Variants in CSMD3 observed in about 807,000 individuals in gnomAD.
CSMD3 encodes the protein CUB and sushi domain-containing protein 3.
Under a neutral mutation model 435.2 loss-of-function variants are expected in CSMD3, and 177 were observed. The ratio of observed to expected loss-of-function variants is 0.41; its 90% CI spans 0.36 to 0.46. CSMD3 has a LOEUF of 0.46. Ranked by LOEUF, CSMD3 falls within the 20% of genes least tolerant of loss-of-function variation. CSMD3 has a pLI of 0.34. For synonymous variants in CSMD3, 1,656 were observed against 1,520.5 expected (o/e 1.09, Z -2.07); for missense variants, 4,265 against 4,504.6 (o/e 0.95, Z 1.52).
intron 3 of CSMD3, among the ~76,000 whole-genome samples, chr8:113,184,279 C>A (rs922870385): frequency 9.2e-5 from 14 of 151,956 alleles, no homozygotes; most frequent in African/African-American, 3.1e-4. Context: ...ATGCCCCATT[C>A]TTTTGAGGTG....
intron 58 of CSMD3, among the ~76,000 whole-genome samples, chr8:112,285,212 G>T (rs1385325054): frequency 6.6e-6 from 1 of 152,004 alleles, no homozygotes; most frequent in Non-Finnish European, 1.5e-5. Flanking sequence ...AAAATATTTT[G>T]TAGGTCAGCT....
At chr8:113,078,588 T>C (rs2089439542) in intron 5 of CSMD3, among the ~76,000 whole-genome samples, 1 of 152,172 alleles carries the variant, frequency 6.6e-6, no homozygotes, top group Non-Finnish European at 1.5e-5. Context: ...GTCATTTTGC[T>C]CTTACATAAA....
chr8:112,973,221 A>T (rs2084723405), intron 7 of CSMD3, among the ~76,000 whole-genome samples: 1 of 151,956 alleles, frequency 6.6e-6, no homozygotes, highest in East Asian at 1.9e-4. Flanking sequence ...TTTTATTTGT[A>T]AAAGTTCATT....
At chr8:113,011,579 C>T (rs1331213918) in intron 6 of CSMD3, among the ~76,000 whole-genome samples, 2 of 151,764 alleles carry the variant, frequency 1.3e-5, no homozygotes, top group Non-Finnish European at 1.5e-5. Context: ...GTCAAACTTT[C>T]ATTTTCAATA....
chr8:112,762,389 G>C (rs140459523), intron 13 of CSMD3, among the ~76,000 whole-genome samples: 17 of 152,032 alleles, frequency 1.1e-4, no homozygotes, highest in African/African-American at 3.6e-4. Flanking sequence ...CCATAGCACT[G>C]TGTTAAATGT....
intron 6 of CSMD3, among the ~76,000 whole-genome samples, chr8:113,010,102 C>T (rs1276258752): frequency 6.6e-6 from 1 of 151,406 alleles, no homozygotes; most frequent in East Asian, 1.9e-4. Context: ...TAAATAAGCA[C>T]TTATATTAAG....
chr8:112,587,369 T>C, intron 22 of CSMD3, 134 bp from the exon 23 acceptor site: 1 of 669,490 alleles, frequency 1.5e-6, no homozygotes, highest in Non-Finnish European at 2.6e-6. Context: ...AGAATGGCTT[T>C]ATGTTGTAAA....
chr8:112,520,659 C>A (rs138360502), intron 27 of CSMD3, among the ~76,000 whole-genome samples: 177 of 151,908 alleles, frequency 1.2e-3, no homozygotes, highest in African/African-American at 4.0e-3. Flanking sequence ...AAGAAAGAGG[C>A]AAGGTTATAT....
At chr8:112,633,637 A>G (rs2131566401) in intron 22 of CSMD3, among the ~76,000 whole-genome samples, 1 of 152,164 alleles carries the variant, frequency 6.6e-6, no homozygotes, top group East Asian at 1.9e-4. Flanking sequence ...AATTTTATTT[A>G]TTCCTCATTC....
At chr8:113,214,881 A>C (rs2092883483) in intron 3 of CSMD3, among the ~76,000 whole-genome samples, 1 of 151,896 alleles carries the variant, frequency 6.6e-6, no homozygotes, top group Non-Finnish European at 1.5e-5. Flanking sequence ...GTATTTTAAA[A>C]TTAAGATTCT....
chr8:112,890,556 A>G (rs1221445152), intron 10 of CSMD3, among the ~76,000 whole-genome samples: 1 of 151,702 alleles, frequency 6.6e-6, no homozygotes, highest in Non-Finnish European at 1.5e-5. Flanking sequence ...CGAATTCAAG[A>G]TGGTACTCAA....
chr8:113,058,961 C>T (rs2088477821), intron 5 of CSMD3, among the ~76,000 whole-genome samples: 1 of 152,020 alleles, frequency 6.6e-6, no homozygotes, highest in Non-Finnish European at 1.5e-5. Flanking sequence ...ATAGCTAACA[C>T]ATCACACTAT....
At chr8:112,456,730 A>G (rs979615756) in intron 32 of CSMD3, among the ~76,000 whole-genome samples, 8 of 152,036 alleles carry the variant, frequency 5.3e-5, no homozygotes, top group African/African-American at 1.9e-4. Flanking sequence ...CTTACATGAG[A>G]TTACACATAA....
chr8:112,925,679 G>A (rs2082888840), intron 9 of CSMD3, among the ~76,000 whole-genome samples: 1 of 152,182 alleles, frequency 6.6e-6, no homozygotes, highest in Admixed American at 6.6e-5. Context: ...ATAGTGTAAA[G>A]ATAAAGAAGG....
chr8:113,002,675 G>A (rs2085907776), intron 6 of CSMD3, among the ~76,000 whole-genome samples: 1 of 152,072 alleles, frequency 6.6e-6, no homozygotes, highest in South Asian at 2.1e-4. Flanking sequence ...GCTGAAGTAA[G>A]ACTTAATGTG....
In CSMD3 at chr8:112,352,506, T is replaced by C. The variant is rs747203215; in HGVS notation, c.6165A>G (p.Pro2055=). 6.2e-7 allele frequency: 1 copy of C among 1,613,616 alleles called. No individual in the cohort carries two copies. Among genetic ancestry groups the C allele is most frequent in the Non-Finnish European group, 8.5e-7 (1 of 1,179,702 alleles). ...TAIGLDSCPE[P]QTPSSGIKIG... ...TTTTAATTCCACTGCTAGGAGTTTG[T>C]GGTTCAGGACAGGAATCCAAACCAA... Residue 2055 remains proline (P), a synonymous_variant, in exon 39 of 71, where the codon CCA becomes CCG. Coordinates refer to ENST00000297405, the MANE Select transcript of CSMD3 (RefSeq NM_198123.2).
At chr8:112,558,050 C>T (rs954367567) in intron 24 of CSMD3, among the ~76,000 whole-genome samples, 1 of 151,734 alleles carries the variant, frequency 6.6e-6, no homozygotes, top group African/African-American at 2.4e-5. Context: ...CAAGTGTTGG[C>T]GCTCAGAACA....
chr8:113,059,191 T>C (rs896565060), intron 5 of CSMD3, among the ~76,000 whole-genome samples: 3 of 152,128 alleles, frequency 2.0e-5, no homozygotes, highest in South Asian at 2.1e-4. Flanking sequence ...TCAAAGCAAT[T>C]TGGATGATTT....
chr8:112,806,248 G>A (rs2079082887), intron 12 of CSMD3, among the ~76,000 whole-genome samples: 1 of 152,074 alleles, frequency 6.6e-6, no homozygotes, highest in Admixed American at 6.6e-5. Context: ...ATAAGCTTTG[G>A]GAGTTCCAAA....
Sources: gnomAD v4.1 joint callset for allele counts (sites outside exome capture counted in the v4.1 genomes callset) on GRCh38, gnomAD v4.1.1 for gene constraint, MANE v1.5 for transcripts, NCBI Gene and HGNC (gene_info 2026-07-23, HGNC 2026-07-21) for gene names.